The following PACRG variants were observed in gnomAD, a reference collection of about 807,000 sequenced individuals.
PACRG encodes parkin coregulated gene protein.
A neutral mutation model predicts 29.7 loss-of-function variants in PACRG; 29 were observed. The observed-to-expected ratio is 0.98, with a 90% CI of 0.73 to 1.33. The LOEUF is 1.33. PACRG is among the 40% of genes most tolerant of loss of function. The pLI, the probability that PACRG is intolerant of heterozygous loss-of-function variation, is 0.00. For synonymous variants in PACRG, 116 were observed against 118.7 expected (o/e 0.98, Z 0.15); for missense variants, 279 against 316.2 (o/e 0.88, Z 0.89).
At chr6:163,305,820 C>T (rs563751777) in intron 4 of PACRG, among the ~76,000 whole-genome samples, 10 of 152,292 alleles carry the variant, frequency 6.6e-5, no homozygotes, top group South Asian at 2.1e-4. Flanking sequence ...AAACACTACC[C>T]GGTTGGTTGC....
chr6:162,896,819 C>T (rs2128050427), intron 2 of PACRG, among the ~76,000 whole-genome samples: 1 of 152,298 alleles, frequency 6.6e-6, no homozygotes, highest in Non-Finnish European at 1.5e-5. Context: ...TCAAAGCCAT[C>T]TGGCAGGTCC....
At chr6:163,040,866 T>A (rs1007253634) in intron 2 of PACRG, among the ~76,000 whole-genome samples, 6 of 152,218 alleles carry the variant, frequency 3.9e-5, no homozygotes, top group African/African-American at 1.4e-4. Flanking sequence ...TTTTTTCAGA[T>A]GAGACTTTGG....
intron 2 of PACRG, among the ~76,000 whole-genome samples, chr6:163,012,253 A>G (rs1486783466): frequency 1.3e-5 from 2 of 152,240 alleles, no homozygotes; most frequent in African/African-American, 2.4e-5. Flanking sequence ...AAACAGAAAT[A>G]TGAATGCAAT....
chr6:162,906,850 G>A (rs751782259), intron 2 of PACRG, among the ~76,000 whole-genome samples: 3 of 152,166 alleles, frequency 2.0e-5, no homozygotes, highest in Non-Finnish European at 4.4e-5. Context: ...CGTATACCTT[G>A]TATATCAGAG....
At chr6:163,134,614 C>T (rs945598354) in intron 4 of PACRG, among the ~76,000 whole-genome samples, 4 of 152,166 alleles carry the variant, frequency 2.6e-5, no homozygotes, top group Non-Finnish European at 4.4e-5. Context: ...GAAAAAAATA[C>T]TCTATTAATG....
At chr6:163,253,554 C>T (rs1422198759) in intron 4 of PACRG, among the ~76,000 whole-genome samples, 2 of 152,130 alleles carry the variant, frequency 1.3e-5, no homozygotes, top group African/African-American at 4.8e-5. Flanking sequence ...TCTTATTTTA[C>T]AGGAGAGGAG....
At chr6:162,911,113 T>G (rs1008057345) in intron 2 of PACRG, among the ~76,000 whole-genome samples, 8 of 152,246 alleles carry the variant, frequency 5.3e-5, no homozygotes, top group African/African-American at 1.9e-4. Flanking sequence ...CGATATCAAT[T>G]TGTTTTCATT....
intron 2 of PACRG, among the ~76,000 whole-genome samples, chr6:162,912,439 C>T (rs997200715): frequency 3.9e-5 from 6 of 152,258 alleles, no homozygotes; most frequent in East Asian, 1.9e-4. Context: ...ACAAGTATTG[C>T]GGTATCACCA....
At chr6:163,160,747 C>A (rs1778521874) in intron 4 of PACRG, among the ~76,000 whole-genome samples, 1 of 152,152 alleles carries the variant, frequency 6.6e-6, no homozygotes, top group Non-Finnish European at 1.5e-5. Flanking sequence ...AATTACTGAA[C>A]CTGAAACTTG....
intron 4 of PACRG, among the ~76,000 whole-genome samples, chr6:163,300,875 C>T (rs1784966380): frequency 1.1e-5 from 1 of 89,512 alleles, no homozygotes. Flanking sequence ...CCACTGCTTC[C>T]CATGAGTTTA....
intron 4 of PACRG, among the ~76,000 whole-genome samples, chr6:163,096,091 G>A (rs1055162988): frequency 6.6e-6 from 1 of 152,190 alleles, no homozygotes. Context: ...GGAAGGGTTT[G>A]TTTAGTTAAG....
intron 4 of PACRG, among the ~76,000 whole-genome samples, chr6:163,261,639 G>C (rs536381300): frequency 6.6e-6 from 1 of 152,244 alleles, no homozygotes; most frequent in Non-Finnish European, 1.5e-5. Flanking sequence ...AGCCCTGCTG[G>C]CCGGGGGCTC....
intron 2 of PACRG, among the ~76,000 whole-genome samples, chr6:163,008,617 C>A (rs1215924255): frequency 6.7e-6 from 1 of 149,118 alleles, no homozygotes; most frequent in African/African-American, 2.5e-5. Context: ...CAACGGAAAG[C>A]TTTCTACGAG....
chr6:162,838,605 A>G (rs1322251141), intron 2 of PACRG, among the ~76,000 whole-genome samples: 2 of 151,842 alleles, frequency 1.3e-5, no homozygotes, highest in Non-Finnish European at 2.9e-5. Flanking sequence ...TTTTTTTATT[A>G]TTATACTTTA....
intron 4 of PACRG, among the ~76,000 whole-genome samples, chr6:163,253,033 G>A (rs530854018): frequency 2.0e-5 from 3 of 152,214 alleles, no homozygotes; most frequent in South Asian, 2.1e-4. Flanking sequence ...ATGGTGGCTC[G>A]TACCTGTAAT....
At chr6:163,090,528 A>G (rs927601668) in intron 4 of PACRG, among the ~76,000 whole-genome samples, 2 of 152,232 alleles carry the variant, frequency 1.3e-5, no homozygotes, top group Non-Finnish European at 2.9e-5. Context: ...TACGCAAAGT[A>G]ATAACTGGGT....
In PACRG at chr6:162,853,745, CT is replaced by C. The variant is rs557438082; in HGVS notation, c.291+39465del. ...ATGTAACAAACCTTCACATGTACCCCTAAACCTAAAATAAACATTTTTTAAA... is the reference window on the plus strand; with the variant it reads ...ATGTAACAAACCTTCACATGTACCCCAAACCTAAAATAAACATTTTTTAAA... On this transcript the variant is annotated intron_variant, in intron 2 of 4. Coordinates refer to ENST00000366888, the MANE Select transcript of PACRG (RefSeq NM_001080379.2). This position sits in a 1 kb window ranked among gnomAD's most constrained non-coding sequence, Gnocchi z 4.7. 4.6e-5 allele frequency among the ~76,000 whole-genome samples: 7 copies of C among 152,272 alleles called. No individual in the cohort carries two copies. In the South Asian group the frequency reaches 1.5e-3, roughly 32 times the overall value.
At chr6:163,307,390 A>G (rs1165802835) in intron 4 of PACRG, among the ~76,000 whole-genome samples, 1 of 152,226 alleles carries the variant, frequency 6.6e-6, no homozygotes, top group Admixed American at 6.5e-5. Context: ...GAGGAAAGAA[A>G]TCTTGTGAAT....
intron 3 of PACRG, among the ~76,000 whole-genome samples, chr6:163,062,555 T>G (rs1169190659): frequency 6.6e-6 from 1 of 152,198 alleles, no homozygotes; most frequent in East Asian, 1.9e-4. Context: ...TTGTGCTAAT[T>G]TAAAATGCCT....
Sources: allele counts gnomAD v4.1 joint callset (sites outside exome capture counted in the v4.1 genomes callset), GRCh38; gene constraint gnomAD v4.1.1; non-coding constraint Gnocchi (gnomAD v3.1); transcripts MANE v1.5; gene names NCBI Gene and HGNC (gene_info 2026-07-23, HGNC 2026-07-21).